CDCA2: variants seen among roughly 807,000 people sequenced by gnomAD.
CDCA2 encodes cell division cycle-associated protein 2.
Under a neutral mutation model 67.0 loss-of-function variants are expected in CDCA2, and 44 were observed. That is an observed-to-expected ratio of 0.66 (90% CI 0.52 to 0.84). The LOEUF (loss-of-function observed/expected upper bound fraction) is 0.84. Among genes scored for constraint, CDCA2 ranks in the 40% least tolerant of loss-of-function variants. CDCA2 has a pLI of 0.00. For synonymous variants in CDCA2, 447 were observed against 418.7 expected, an observed-to-expected ratio of 1.07 and a Z score of -0.82; for missense variants, 1,253 against 1,203.2, an observed-to-expected ratio of 1.04 and a Z score of -0.61.
chr8:25,506,466 T>G (rs763154471), intron 14 of CDCA2, 44 bp from the exon 15 acceptor site: 6 of 1,471,380 alleles, frequency 4.1e-6, no homozygotes, highest in Non-Finnish European at 5.4e-6. Flanking sequence ...TTCATTCCCA[T>G]TGTTACTTTT....
At chr8:25,487,358 C>A in intron 12 of CDCA2, 24 bp downstream of exon 12, 3 of 1,454,902 alleles carry the variant, frequency 2.1e-6, no homozygotes, top group Non-Finnish European at 2.9e-6. Flanking sequence ...TTTGGCACAA[C>A]GTATTTGTTT....
chr8:25,505,738 A>G (rs781151820), intron 14 of CDCA2, among the ~76,000 whole-genome samples: 8 of 152,198 alleles, frequency 5.3e-5, no homozygotes, highest in Non-Finnish European at 8.8e-5. Context: ...CCACTTAAAA[A>G]TATCATCTGA....
In CDCA2 at chr8:25,468,267, T is replaced by C. The variant is rs770229839; in HGVS notation, c.589T>C (p.Leu197=). 1 of 1,613,948 alleles carries C rather than the reference T, an allele frequency of 6.2e-7. No individual in the cohort carries two copies. Among genetic ancestry groups the C allele is most frequent in the South Asian group, 1.1e-5 (1 of 91,062 alleles). The stretch of plus-strand genomic sequence containing the variant: ...CCAGCAGTCTGGGTTCCCTGCAGTG[T>C]TGTCCTCCAAACGTCGGAGAATATC... ...ACQQSGFPAV[L]SSKRRRISYQ... Residue 197 remains leucine, a synonymous_variant, in exon 6 of 15, where the codon TTG becomes CTG. Transcript: ENST00000330560.
At chr8:25,491,219 A>G (rs1050683895) in intron 13 of CDCA2, among the ~76,000 whole-genome samples, 2 of 152,186 alleles carry the variant, frequency 1.3e-5, no homozygotes, top group Non-Finnish European at 2.9e-5. Context: ...CTCTTAGGAA[A>G]AAGAAGGAGA....
intron 7 of CDCA2, 112 bp downstream of exon 7, chr8:25,470,092 G>A: frequency 1.5e-6 from 1 of 664,672 alleles, no homozygotes. Context: ...TACTTTTTAG[G>A]AGCTCATGGC....
chr8:25,463,189 G>A (rs1466670998), intron 4 of CDCA2, among the ~76,000 whole-genome samples: 3 of 152,100 alleles, frequency 2.0e-5, no homozygotes, highest in Admixed American at 6.5e-5. Context: ...AAATGTATTT[G>A]GGACAACCTT....
At position 25,507,040 on chromosome 8, in the gene CDCA2, T is replaced by G; in HGVS notation, c.2374T>G (p.Cys792Gly). The G allele has an allele frequency of 8.1e-6, 13 of 1,613,884 alleles. No individual in the cohort carries two copies. The highest frequency in any genetic ancestry group is 1.1e-5 in the Non-Finnish European group (13 of 1,179,914). ...LMPNSQKDCH[C>G]LGDVLIENTK... ...GCCTAATTCACAAAAAGACTGTCATTGTTTAGGAGATGTCTTAATTGAAAA... is the reference window on the plus strand; with the variant it reads ...GCCTAATTCACAAAAAGACTGTCATGGTTTAGGAGATGTCTTAATTGAAAA... The change falls in exon 15 of 15, where the codon TGT becomes GGT. Residue 792 changes from cysteine (C) to glycine (G), a missense_variant. Physicochemically the swap from Cys to Gly is radical, Grantham distance 159 (BLOSUM62 -3). Coordinates refer to ENST00000330560, the MANE Select transcript of CDCA2 (RefSeq NM_152562.4).
At chr8:25,499,370 C>A (rs886819820) in intron 13 of CDCA2, among the ~76,000 whole-genome samples, 1 of 137,678 alleles carries the variant, frequency 7.3e-6, no homozygotes, top group African/African-American at 2.8e-5. Context: ...GTGGCTCGAT[C>A]TCAGCTCACT....
At chr8:25,480,346 T>C (rs1803520763) in intron 8 of CDCA2, among the ~76,000 whole-genome samples, 1 of 152,202 alleles carries the variant, frequency 6.6e-6, no homozygotes, top group Non-Finnish European at 1.5e-5. Context: ...ATGCAGAATT[T>C]AATGTAAGTA....
At chr8:25,488,127 A>T (rs1803853352) in intron 12 of CDCA2, among the ~76,000 whole-genome samples, 1 of 152,206 alleles carries the variant, frequency 6.6e-6, no homozygotes, top group Admixed American at 6.5e-5. Flanking sequence ...TAAAGTATAA[A>T]CATATACTGT....
At chr8:25,475,129 C>T (rs1371621069) in intron 7 of CDCA2, among the ~76,000 whole-genome samples, 2 of 152,186 alleles carry the variant, frequency 1.3e-5, no homozygotes, top group African/African-American at 2.4e-5. Flanking sequence ...AAAATCCAAA[C>T]TCTGAAAATT....
At chr8:25,487,471 G>A (rs764631722) in intron 12 of CDCA2, 137 bp downstream of exon 12, 31 of 617,282 alleles carry the variant, frequency 5.0e-5, no homozygotes, top group Non-Finnish European at 7.6e-5. Context: ...GCCAGGCACC[G>A]TGGTTCACGC....
chr8:25,482,286 G>A (rs1586495730), intron 8 of CDCA2, among the ~76,000 whole-genome samples: 1 of 152,332 alleles, frequency 6.6e-6, no homozygotes, highest in African/African-American at 2.4e-5. Context: ...AAGAATAGGT[G>A]TGGTTCCCAT....
chr8:25,488,488 G>A, intron 12 of CDCA2, 64 bp from the exon 13 acceptor site: 1 of 1,446,068 alleles, frequency 6.9e-7, no homozygotes, highest in Non-Finnish European at 9.2e-7. Context: ...ACAAGAGTGA[G>A]AGCAGCACAT....
intron 8 of CDCA2, among the ~76,000 whole-genome samples, chr8:25,481,351 A>G (rs1803563612): frequency 6.6e-6 from 1 of 152,180 alleles, no homozygotes; most frequent in Non-Finnish European, 1.5e-5. Context: ...CTTTCTAACA[A>G]TATGACACAG....
chr8:25,507,639 G>A lies in CDCA2; in HGVS notation c.2973G>A (p.Gln991=). The A allele has an allele frequency of 6.2e-7, 1 of 1,614,186 alleles. No individual in the cohort carries two copies. Among genetic ancestry groups the A allele is most frequent in the South Asian group, 1.1e-5 (1 of 91,092 alleles). ...TTGCAAATACTAAAGCCACTTCCCA[G>A]TTCAAAGGCTACCGGAGAAGATCCT... The part of the protein sequence containing the change: ...STLANTKATS[Q]FKGYRRRSSL... The change falls in exon 15 of 15, where the codon CAG becomes CAA. Residue 991 remains glutamine, a synonymous_variant. Coordinates refer to ENST00000330560, the MANE Select transcript of CDCA2 (RefSeq NM_152562.4).
At position 25,507,705 on chromosome 8, in the gene CDCA2, A is replaced by G. The variant is rs1468684473; in HGVS notation, c.3039A>G (p.Glu1013=). 1 of 1,613,596 alleles carries G rather than the reference A, an allele frequency of 6.2e-7. No individual in the cohort carries two copies. Among genetic ancestry groups the G allele is most frequent in the Admixed American group, 1.7e-5 (1 of 59,880 alleles). ...GAGAGAGCTCTCTGACTGCCTTGGA[A>G]AGGATTGAACATAATGGAGAAAGAA... The part of the protein sequence containing the change: ...GKGESSLTAL[E]RIEHNGERKQ Residue 1013 remains glutamate, a synonymous_variant, in exon 15 of 15, where the codon GAA becomes GAG. Transcript: ENST00000330560.
At chr8:25,493,485 A>G (rs1359948520) in intron 13 of CDCA2, among the ~76,000 whole-genome samples, 1 of 152,220 alleles carries the variant, frequency 6.6e-6, no homozygotes, top group East Asian at 1.9e-4. Context: ...CCATAAGAAA[A>G]TTTAAAAGAC....
chr8:25,477,640 T>C (rs1480910733), intron 7 of CDCA2, among the ~76,000 whole-genome samples: 1 of 152,222 alleles, frequency 6.6e-6, no homozygotes, highest in Non-Finnish European at 1.5e-5. Context: ...ATGTGAACTC[T>C]TTCTAGGTGA....
Sources: allele counts gnomAD v4.1 joint callset (sites outside exome capture counted in the v4.1 genomes callset), GRCh38; gene constraint gnomAD v4.1.1; transcripts MANE v1.5; gene names NCBI Gene and HGNC (gene_info 2026-07-23, HGNC 2026-07-21).